The following GPR180 variants were observed in gnomAD, a reference collection of about 807,000 sequenced individuals.
The protein encoded by GPR180 is G protein-coupled receptor 180, also known as integral membrane protein GPR180.
A neutral mutation model predicts 52.6 loss-of-function variants in GPR180; 53 were observed. The observed-to-expected ratio is 1.01, with a 90% CI of 0.81 to 1.27. The LOEUF (loss-of-function observed/expected upper bound fraction) is 1.27. Ranked by LOEUF, GPR180 falls within the 50% of genes most tolerant of loss-of-function variation. The pLI is 0.00. For synonymous variants in GPR180, 200 were observed against 193.1 expected, an observed-to-expected ratio of 1.04 and a Z score of -0.30; for missense variants, 533 against 527.0, an observed-to-expected ratio of 1.01 and a Z score of -0.11.
At position 94,621,119 on chromosome 13, in the gene GPR180, T is replaced by C. The variant is rs1889846346; in HGVS notation, c.778T>C (p.Leu260=). 1 of 1,611,500 alleles carries C rather than the reference T, an allele frequency of 6.2e-7. No individual in the cohort carries two copies. Among genetic ancestry groups the C allele is most frequent in the East Asian group, 2.2e-5 (1 of 44,726 alleles). ...ASQIQMLYLL[L]SLCMGWTIVR... is the part of the protein sequence containing the mutation. ...CCAAATTCAGATGTTATACTTACTT[T>C]TGAGTCTATGCATGGGTTGGACAAT... Residue 260 remains leucine (L), a synonymous_variant, in exon 6 of 9, where the codon TTG becomes CTG. Coordinates refer to ENST00000376958, the MANE Select transcript of GPR180 (RefSeq NM_180989.6).
chr13:94,612,060 A>G (rs1889713125), intron 2 of GPR180, 130 bp from the exon 3 acceptor site: 2 of 672,326 alleles, frequency 3.0e-6, no homozygotes, highest in Admixed American at 2.7e-5. Flanking sequence ...TCCAAATACT[A>G]CACAAGGTCT....
Position 94,619,493 on chromosome 13 carries a change from C to A in GPR180, c.712C>A (p.Pro238Thr), listed in dbSNP as rs750468054. 4 of 1,613,414 alleles carry A rather than the reference C, an allele frequency of 2.5e-6. 1 individual carries two copies. The South Asian group carries it at 4.4e-5, about 18-fold the overall frequency. Residue 238 changes from proline (P) to threonine (T), a missense_variant, in exon 5 of 9, where the codon CCA becomes ACA. Pro to Thr is a conservative substitution (Grantham distance 38). Coordinates refer to ENST00000376958, the MANE Select transcript of GPR180 (RefSeq NM_180989.6). ...TTACTCCAAAGATGGAATAGGGGTA[C>A]CATTTATGGGAAGTTTGGCAGAATG... ...SSYSKDGIGV[P>T]FMGSLAEFFD...
intron 2 of GPR180, among the ~76,000 whole-genome samples, chr13:94,608,931 A>G (rs968240343): frequency 6.6e-6 from 1 of 152,208 alleles, no homozygotes; most frequent in Non-Finnish European, 1.5e-5. Context: ...GTTCTGTCAT[A>G]AAAATCTGAT....
Position 94,625,729 on chromosome 13 carries a change from A to G in GPR180, c.1087-237A>G, listed in dbSNP as rs375548042. Reference sequence around the variant, plus strand: ...TAATTTGTAGTGTATCAAAATGTGTATGCAACAGATTTATAAACATAAGAT... The same window carrying G: ...TAATTTGTAGTGTATCAAAATGTGTGTGCAACAGATTTATAAACATAAGAT... On this transcript the variant is annotated intron_variant, in intron 7 of 8. Coordinates refer to ENST00000376958, the MANE Select transcript of GPR180 (RefSeq NM_180989.6). Among the ~76,000 whole-genome samples, 15 of 152,336 alleles carry G rather than the reference A, an allele frequency of 9.8e-5. No individual in the cohort carries two copies. In the South Asian group the frequency reaches 2.9e-3, roughly 29 times the overall value.
intron 2 of GPR180, among the ~76,000 whole-genome samples, chr13:94,605,946 T>G (rs780332545): frequency 2.0e-5 from 3 of 152,226 alleles, no homozygotes; most frequent in Non-Finnish European, 2.9e-5. Context: ...TGAGTGATGC[T>G]GTTTCACAAC....
At chr13:94,619,711 C>CGTT (rs899641008) in intron 5 of GPR180, among the ~76,000 whole-genome samples, 194 bp downstream of exon 5, 1 of 152,036 alleles carries the variant, frequency 6.6e-6, no homozygotes, top group Admixed American at 6.6e-5. Flanking sequence ...TACAGCTCCT[C>CGTT]GTTGTTTTTT....
In GPR180 at chr13:94,623,348, C is replaced by T. The variant is rs749364192; in HGVS notation, c.1086+48C>T. 5 of 1,460,770 alleles carry T rather than the reference C, an allele frequency of 3.4e-6. No homozygotes were observed. The East Asian group carries it at 1.1e-4, about 33-fold the overall frequency. 90.5% of individuals were successfully genotyped at this position (1,460,770 alleles called of 1,614,324 possible). ...GTTTATTCTGATTATCCACTTGGTT[C>T]TGGTTTCTTTGGGAAGTTAATAAAC... On this transcript the variant is annotated intron_variant, in intron 7 of 8. Transcript: ENST00000376958.
chr13:94,602,160 G>C (rs1383762716), intron 1 of GPR180, 88 bp downstream of exon 1: 1 of 1,195,122 alleles, frequency 8.4e-7, no homozygotes. Context: ...GCCCCTCCCT[G>C]CCACGTTGGG....
chr13:94,619,476 A>C lies in GPR180; in HGVS notation c.695A>C (p.Lys232Thr). 6.2e-7 allele frequency: 1 copy of C among 1,613,100 alleles called. No individual in the cohort carries two copies. Among genetic ancestry groups the C allele is most frequent in the Non-Finnish European group, 8.5e-7 (1 of 1,179,472 alleles). Residue 232 changes from lysine to threonine, a missense_variant, in exon 5 of 9, where the codon AAA becomes ACA. By Grantham distance (78) the Lys-to-Thr change is moderately conservative (BLOSUM62 -1). Transcript: ENST00000376958. The part of the protein sequence containing the change: ...ANYIHFSSYS[K>T]DGIGVPFMGS... The stretch of plus-strand genomic sequence containing the variant: ...CTTCTTCAATTCCTCAGTTACTCCA[A>C]AGATGGAATAGGGGTACCATTTATG...
At chr13:94,611,081 A>T (rs916278246) in intron 2 of GPR180, among the ~76,000 whole-genome samples, 1 of 152,200 alleles carries the variant, frequency 6.6e-6, no homozygotes, top group African/African-American at 2.4e-5. Context: ...GTCATTGCTT[A>T]TGTAACTTAC....
Position 94,623,277 on chromosome 13 carries a change from G to A in GPR180, c.1063G>A (p.Glu355Lys). The A allele has an allele frequency of 6.2e-7, 1 of 1,613,008 alleles. No individual in the cohort carries two copies. The highest frequency in any genetic ancestry group is 1.1e-5 in the South Asian group (1 of 90,986). ...AGTGGAGAGAAGTACACTCAAAAGG[G>A]AGTTCTACATCACATTTGCCAAAGT... ...ITVERSTLKREFYITFAKGCI... is the reference protein window; with the variant it reads ...ITVERSTLKRKFYITFAKGCI... The change falls in exon 7 of 9, where the codon GAG (glutamate) becomes AAG (lysine). Residue 355 changes from glutamate to lysine, a missense_variant. Physicochemically the swap from Glu to Lys is moderately conservative, Grantham distance 56. Transcript: ENST00000376958.
intron 2 of GPR180, among the ~76,000 whole-genome samples, chr13:94,611,616 A>T (rs1380503955): frequency 6.6e-6 from 1 of 152,124 alleles, no homozygotes; most frequent in Non-Finnish European, 1.5e-5. Context: ...TGCCTGGGCC[A>T]GGGAGCCAGT....
chr13:94,618,715 C>T (rs1889812976), intron 3 of GPR180, among the ~76,000 whole-genome samples: 1 of 152,072 alleles, frequency 6.6e-6, no homozygotes, highest in Non-Finnish European at 1.5e-5. Flanking sequence ...CAAGAGAACA[C>T]ACTTTGAGAT....
At chr13:94,618,505 G>A (rs1236534204) in intron 3 of GPR180, among the ~76,000 whole-genome samples, 1 of 142,200 alleles carries the variant, frequency 7.0e-6, no homozygotes, top group Non-Finnish European at 1.5e-5. Flanking sequence ...TATTTTGAAG[G>A]TTTGTCCAAA....
chr13:94,620,567 G>A (rs1157827929), intron 5 of GPR180, among the ~76,000 whole-genome samples: 2 of 152,154 alleles, frequency 1.3e-5, no homozygotes, highest in Non-Finnish European at 2.9e-5. Context: ...ATGTTTGGAT[G>A]TTATGGGAGC....
intron 2 of GPR180, 122 bp downstream of exon 2, chr13:94,605,671 TTGTC>T: frequency 1.3e-6 from 1 of 764,804 alleles, no homozygotes; most frequent in Non-Finnish European, 2.0e-6. Context: ...TGATGACACT[TTGTC>T]TAGTACATTT....
At chr13:94,606,113 G>A (rs1290404261) in intron 2 of GPR180, among the ~76,000 whole-genome samples, 1 of 152,180 alleles carries the variant, frequency 6.6e-6, no homozygotes. Context: ...CCAACATGGT[G>A]AAACCCCGTC....
intron 1 of GPR180, among the ~76,000 whole-genome samples, chr13:94,604,051 T>C (rs6492720): frequency 0.71 from 107,238 of 152,028 alleles, 39,434 homozygotes; most frequent in African/African-American, 0.91. Flanking sequence ...ACCAACCTGG[T>C]GGCTGGGCGT....
chr13:94,620,514 A>G (rs1396490638), intron 5 of GPR180, among the ~76,000 whole-genome samples: 2 of 152,238 alleles, frequency 1.3e-5, no homozygotes, highest in South Asian at 2.1e-4. Flanking sequence ...ACACTAATGC[A>G]TGGAGCTTCT....
Sources: gnomAD v4.1 joint callset for allele counts (sites outside exome capture counted in the v4.1 genomes callset) on GRCh38, gnomAD v4.1.1 for gene constraint, MANE v1.5 for transcripts, NCBI Gene and HGNC (gene_info 2026-07-23, HGNC 2026-07-21) for gene names.